PLCB4: variants seen among roughly 807,000 people sequenced by gnomAD.
PLCB4 encodes the protein 1-phosphatidylinositol 4,5-bisphosphate phosphodiesterase beta-4.
In PLCB4, 77 loss-of-function variants were observed where a neutral mutation model predicts 178.8. The ratio of observed to expected loss-of-function variants is 0.43; its 90% CI spans 0.36 to 0.52. PLCB4 has a LOEUF of 0.52. Ranked by LOEUF, PLCB4 falls within the 20% of genes least tolerant of loss-of-function variation. PLCB4 has a pLI of 0.00. For synonymous variants in PLCB4, 496 were observed against 490.8 expected (o/e 1.01, Z -0.14); for missense variants, 1,024 against 1,453.4 (o/e 0.70, Z 4.80).
chr20:9,436,973 T>A lies in PLCB4; in HGVS notation c.2614-29T>A, dbSNP rs746748987. 2.5e-6 allele frequency: 4 copies of A among 1,609,128 alleles called. No homozygotes were observed. In the African/African-American group the frequency reaches 5.3e-5, roughly 22 times the overall value. On this transcript the variant is annotated intron_variant, in intron 29 of 39. Coordinates refer to ENST00000378473, the MANE Select transcript of PLCB4 (RefSeq NM_001377142.1). ...ATATTTGACCTTGAGTGACATTCATTTGGGTCAATGTAAATGTTTCTGTTC... is the reference window on the plus strand; with the variant it reads ...ATATTTGACCTTGAGTGACATTCATATGGGTCAATGTAAATGTTTCTGTTC...
chr20:9,316,093 G>A (rs1601797462), intron 4 of PLCB4, among the ~76,000 whole-genome samples: 1 of 152,128 alleles, frequency 6.6e-6, no homozygotes, highest in African/African-American at 2.4e-5. Flanking sequence ...CATGGTCAGG[G>A]CATGGTAAGA....
intron 2 of PLCB4, among the ~76,000 whole-genome samples, chr20:9,135,105 G>A (rs559589812): frequency 3.3e-4 from 50 of 152,038 alleles, no homozygotes; most frequent in African/African-American, 1.1e-3. Flanking sequence ...GAAAGAAATG[G>A]TCAAAATGAT....
At chr20:9,345,525 G>C (rs910373915) in intron 7 of PLCB4, among the ~76,000 whole-genome samples, 1 of 152,150 alleles carries the variant, frequency 6.6e-6, no homozygotes, top group South Asian at 2.1e-4. Flanking sequence ...GTCACTAGAC[G>C]TAAGATGGAA....
chr20:9,181,681 G>A (rs1446610366), intron 2 of PLCB4, among the ~76,000 whole-genome samples: 1 of 151,986 alleles, frequency 6.6e-6, no homozygotes, highest in Non-Finnish European at 1.5e-5. Flanking sequence ...CATCATACAG[G>A]CCCCATCCTC....
intron 2 of PLCB4, among the ~76,000 whole-genome samples, chr20:9,184,132 G>A (rs1600971228): frequency 6.6e-6 from 1 of 152,122 alleles, no homozygotes; most frequent in Admixed American, 6.6e-5. Flanking sequence ...GAAGGTAGAA[G>A]GCATCCTATT....
chr20:9,118,225 C>T, intron 2 of PLCB4, among the ~76,000 whole-genome samples: 1 of 110,868 alleles, frequency 9.0e-6, no homozygotes, highest in Non-Finnish European at 1.7e-5. Context: ...TCCCCCCTCC[C>T]CCCACCCCAC....
intron 30 of PLCB4, among the ~76,000 whole-genome samples, chr20:9,439,186 T>C (rs2041960770): frequency 6.6e-6 from 1 of 152,246 alleles, no homozygotes; most frequent in South Asian, 2.1e-4. Context: ...TGGTCTAAGC[T>C]GGCTTGGCTA....
intron 33 of PLCB4, among the ~76,000 whole-genome samples, chr20:9,456,200 C>A (rs2043047951): frequency 6.6e-6 from 1 of 152,142 alleles, no homozygotes; most frequent in South Asian, 2.1e-4. Context: ...TGTGACAGTC[C>A]TTGGAGCTTT....
At chr20:9,390,098 G>A (rs926921972) in intron 16 of PLCB4, 140 bp downstream of exon 16, 1 of 569,826 alleles carries the variant, frequency 1.8e-6, no homozygotes, top group Admixed American at 2.9e-5. Flanking sequence ...TCCAGCAAGG[G>A]CACCTACTCT....
chr20:9,424,758 T>C (rs985636379), intron 28 of PLCB4, among the ~76,000 whole-genome samples: 2 of 152,104 alleles, frequency 1.3e-5, no homozygotes, highest in African/African-American at 2.4e-5. Context: ...TTAGAGTACA[T>C]GATATAGCAA....
chr20:9,354,661 T>C (rs144696568), intron 7 of PLCB4, among the ~76,000 whole-genome samples: 1 of 152,260 alleles, frequency 6.6e-6, no homozygotes, highest in East Asian at 1.9e-4. Flanking sequence ...TTTGGTGGAG[T>C]TCTTCATGGT....
intron 3 of PLCB4, among the ~76,000 whole-genome samples, chr20:9,301,437 AG>A (rs1235298475): frequency 6.6e-6 from 1 of 151,900 alleles, no homozygotes; most frequent in Non-Finnish European, 1.5e-5. Flanking sequence ...GTGGTGAGGG[AG>A]GGTGAGCAGC....
intron 3 of PLCB4, among the ~76,000 whole-genome samples, chr20:9,248,758 G>A (rs926271552): frequency 2.0e-5 from 3 of 152,216 alleles, no homozygotes; most frequent in Non-Finnish European, 2.9e-5. Flanking sequence ...TTCAAGGCAG[G>A]TTCCTTTATG....
At chr20:9,315,950 T>A (rs6056531) in intron 4 of PLCB4, among the ~76,000 whole-genome samples, 33 of 148,704 alleles carry the variant, frequency 2.2e-4, no homozygotes, top group African/African-American at 7.9e-4. Context: ...AAAAAAAAAT[T>A]AAAAAAAAAG....
Position 9,076,678 on chromosome 20 carries a change from C to T in PLCB4, c.-135+7472C>T, listed in dbSNP as rs549122492. ...CAGACCAGTGTTTCAAGATGCAGTC[C>T]GCTTAACAGCCCTCATTTTCCTTGT... On this transcript the variant is annotated intron_variant, in intron 1 of 39. Coordinates refer to ENST00000378473, the MANE Select transcript of PLCB4 (RefSeq NM_001377142.1). Among the ~76,000 whole-genome samples, 36 of 152,192 alleles carry T rather than the reference C, an allele frequency of 2.4e-4. 2 individuals carry two copies. The South Asian group carries it at 7.3e-3, about 31-fold the overall frequency.
chr20:9,191,667 T>C (rs893205682), intron 2 of PLCB4, among the ~76,000 whole-genome samples: 1 of 152,074 alleles, frequency 6.6e-6, no homozygotes, highest in Admixed American at 6.5e-5. Flanking sequence ...AAATCAATGG[T>C]CTGTGGTCAG....
intron 3 of PLCB4, among the ~76,000 whole-genome samples, chr20:9,258,374 G>A (rs1463685210): frequency 6.6e-6 from 1 of 152,104 alleles, no homozygotes; most frequent in East Asian, 1.9e-4. Flanking sequence ...AAAAGGAGAG[G>A]ATGTTAAAAG....
intron 1 of PLCB4, among the ~76,000 whole-genome samples, chr20:9,085,905 C>A (rs1336359930): frequency 6.6e-6 from 1 of 152,144 alleles, no homozygotes; most frequent in Non-Finnish European, 1.5e-5. Context: ...GAGTCCTTCA[C>A]CAAACTGAAA....
At chr20:9,094,494 A>G (rs1381176331) in intron 1 of PLCB4, among the ~76,000 whole-genome samples, 1 of 152,132 alleles carries the variant, frequency 6.6e-6, no homozygotes, top group Non-Finnish European at 1.5e-5. Flanking sequence ...CTGTATTTTC[A>G]CAAATAATTC....
Sources: gnomAD v4.1 joint callset for allele counts (sites outside exome capture counted in the v4.1 genomes callset) on GRCh38, gnomAD v4.1.1 for gene constraint, MANE v1.5 for transcripts, NCBI Gene and HGNC (gene_info 2026-07-23, HGNC 2026-07-21) for gene names.